Variants in STAU2 observed in about 807,000 individuals in gnomAD.
The protein encoded by STAU2 is staufen double-stranded RNA binding protein 2.
STAU2 carries 20 observed loss-of-function variants against 65.9 expected under a neutral mutation model. The ratio of observed to expected loss-of-function variants is 0.30; its 90% CI spans 0.21 to 0.44. STAU2 has a LOEUF of 0.44. STAU2 is among the 20% of genes least tolerant of loss of function. STAU2 has a pLI of 1.00. For missense variants in STAU2, 558 were observed against 683.9 expected (o/e 0.82, Z 2.05); for synonymous variants, 232 against 233.9 (o/e 0.99, Z 0.07).
At chr8:73,680,142 TG>T (rs1818321854) in intron 5 of STAU2, among the ~76,000 whole-genome samples, 1 of 35,900 alleles carries the variant, frequency 2.8e-5, no homozygotes, top group South Asian at 1.1e-3. Flanking sequence ...GGGTGGGGGG[TG>T]GGGGAGGAGG....
chr8:73,718,751 A>C (rs918963739), intron 3 of STAU2, among the ~76,000 whole-genome samples: 1 of 152,170 alleles, frequency 6.6e-6, no homozygotes, highest in Non-Finnish European at 1.5e-5. Context: ...ATTTTCTTTA[A>C]CATATTTTGT....
chr8:73,461,741 G>A (rs1480409743), intron 13 of STAU2, among the ~76,000 whole-genome samples: 4 of 152,008 alleles, frequency 2.6e-5, no homozygotes, highest in African/African-American at 7.2e-5. Context: ...AGGCAGGAAC[G>A]CAACCGCGGG....
intron 13 of STAU2, among the ~76,000 whole-genome samples, chr8:73,471,843 AAGAAGG>A (rs60409026): frequency 0.011 from 1,688 of 147,994 alleles, 25 homozygotes; most frequent in African/African-American, 0.04. Context: ...AAAAAGAGAG[AAGAAGG>A]AGAAGGAGAA....
At chr8:73,574,610 A>C (rs1221083732) in intron 12 of STAU2, among the ~76,000 whole-genome samples, 1 of 152,242 alleles carries the variant, frequency 6.6e-6, no homozygotes, top group African/African-American at 2.4e-5. Flanking sequence ...CTTTGTAGGG[A>C]CATGGATAAA....
chr8:73,688,108 A>G lies in STAU2; in HGVS notation c.274+546T>C, dbSNP rs115478748. ...CCAACATTAAAAAAGTAAACAATGC[A>G]CTTTTATAGTATCCACTAAAGCAAA... On this transcript the variant is annotated intron_variant, in intron 5 of 14. Transcript: ENST00000524300. 4.1e-3 allele frequency among the ~76,000 whole-genome samples: 626 copies of G among 151,594 alleles called. 7 individuals carry two copies. Among genetic ancestry groups the G allele is most frequent in the African/African-American group, 0.015 (602 of 41,366 alleles).
chr8:73,595,890 G>T (rs1811145274), intron 10 of STAU2, among the ~76,000 whole-genome samples: 1 of 152,212 alleles, frequency 6.6e-6, no homozygotes, highest in African/African-American at 2.4e-5. Context: ...AAGGCAGGAG[G>T]ATCACAAGGT....
At chr8:73,528,037 T>C (rs1329567456) in intron 13 of STAU2, among the ~76,000 whole-genome samples, 2 of 152,190 alleles carry the variant, frequency 1.3e-5, no homozygotes, top group African/African-American at 4.8e-5. Flanking sequence ...ACATTATAGC[T>C]AGTAGAAAAA....
intron 4 of STAU2, among the ~76,000 whole-genome samples, chr8:73,708,123 T>A (rs928029573): frequency 6.6e-6 from 1 of 152,162 alleles, no homozygotes; most frequent in African/African-American, 2.4e-5. Context: ...TATGAACAAA[T>A]TAAATTGTTG....
chr8:73,441,612 T>C (rs1467603150), intron 13 of STAU2: 3 of 152,182 alleles, frequency 2.0e-5, no homozygotes, highest in Admixed American at 6.5e-5. Flanking sequence ...ACTGAAAGAA[T>C]GAATGAGTGG....
intron 6 of STAU2, among the ~76,000 whole-genome samples, chr8:73,656,384 T>A (rs983884427): frequency 6.6e-6 from 1 of 152,248 alleles, no homozygotes; most frequent in Non-Finnish European, 1.5e-5. Flanking sequence ...GCAATTGATG[T>A]TAAGTCCTCT....
In STAU2 at chr8:73,421,421, G is replaced by A; in HGVS notation, c.1664C>T (p.Pro555Leu). The change falls in exon 15 of 15, where the codon CCC (proline) becomes CTC (leucine). Residue 555 changes from proline (P) to leucine (L), a missense_variant. Coordinates refer to ENST00000524300, the MANE Select transcript of STAU2 (RefSeq NM_001164380.2). ...GCAGTCCTGAGCGATGGAGCCCGGG[G>A]GTGCCTGGTTATTGTCCGCTTTCTC... Reference protein sequence around the residue: ...LREKADNNQAPPGSIAQDCKK... With the variant: ...LREKADNNQALPGSIAQDCKK... 3.3e-6 allele frequency: 5 copies of A among 1,537,286 alleles called. No individual in the cohort carries two copies. The highest frequency in any genetic ancestry group is 4.4e-6 in the Non-Finnish European group (5 of 1,146,934).
rs182963873 is a variant in STAU2 at position 73,424,987 on chromosome 8, C to T, written c.1531-2285G>A. Among the ~76,000 whole-genome samples the T allele has an allele frequency of 1.3e-3, 203 of 152,154 alleles. 1 individual carries two copies. Among genetic ancestry groups the T allele is most frequent in the Middle Eastern group, 3.4e-3 (1 of 294 alleles). On this transcript the variant is annotated intron_variant, in intron 13 of 14. Coordinates refer to ENST00000524300, the MANE Select transcript of STAU2 (RefSeq NM_001164380.2). Reference sequence around the variant, plus strand: ...GCTGCAGGGAGAAGGTCAGTGATGCCACCCCATAGCTCCTGATCCTGGCCC... The same window carrying T: ...GCTGCAGGGAGAAGGTCAGTGATGCTACCCCATAGCTCCTGATCCTGGCCC...
intron 13 of STAU2, among the ~76,000 whole-genome samples, chr8:73,489,383 T>C (rs1211212224): frequency 6.6e-6 from 1 of 151,964 alleles, no homozygotes; most frequent in African/African-American, 2.4e-5. Context: ...GACACACAAA[T>C]GGGATGAATA....
chr8:73,540,684 T>G lies in STAU2; in HGVS notation c.1530+11328A>C, dbSNP rs532867450. 2.0e-5 allele frequency among the ~76,000 whole-genome samples: 3 copies of G among 152,316 alleles called. No homozygotes were observed. The South Asian group carries it at 6.2e-4, about 32-fold the overall frequency. ...AATGAATTCACTGGACAAAGTCTTT[T>G]GCAGATATCAAAGTAAAATATAGAC... On this transcript the variant is annotated intron_variant, in intron 13 of 14. Coordinates refer to ENST00000524300, the MANE Select transcript of STAU2 (RefSeq NM_001164380.2).
chr8:73,631,921 A>G (rs1395375469), intron 6 of STAU2, among the ~76,000 whole-genome samples: 1 of 151,674 alleles, frequency 6.6e-6, no homozygotes, highest in Non-Finnish European at 1.5e-5. Flanking sequence ...CCCGCAAAAG[A>G]GAACAGCCAA....
intron 13 of STAU2, among the ~76,000 whole-genome samples, chr8:73,484,063 T>G (rs920974413): frequency 2.0e-5 from 3 of 152,176 alleles, no homozygotes; most frequent in Non-Finnish European, 4.4e-5. Flanking sequence ...TCACTTTTAG[T>G]GTCAACAACT....
At chr8:73,425,067 T>A (rs1002973040) in intron 13 of STAU2, among the ~76,000 whole-genome samples, 2 of 152,150 alleles carry the variant, frequency 1.3e-5, no homozygotes, top group Non-Finnish European at 2.9e-5. Context: ...GGCGCTAACT[T>A]CAGTGGGGTG....
intron 13 of STAU2, among the ~76,000 whole-genome samples, chr8:73,507,152 T>C (rs1051337409): frequency 6.6e-6 from 1 of 150,482 alleles, no homozygotes; most frequent in African/African-American, 2.4e-5. Flanking sequence ...CACAAATGTA[T>C]CTTAATGGCA....
chr8:73,484,141 T>A (rs539450682), intron 13 of STAU2, among the ~76,000 whole-genome samples: 1 of 152,126 alleles, frequency 6.6e-6, no homozygotes, highest in Non-Finnish European at 1.5e-5. Context: ...AGTCCCTGTG[T>A]TCCTATCAGT....
Sources: gnomAD v4.1 joint callset for allele counts (sites outside exome capture counted in the v4.1 genomes callset) on GRCh38, gnomAD v4.1.1 for gene constraint, MANE v1.5 for transcripts, NCBI Gene and HGNC (gene_info 2026-07-23, HGNC 2026-07-21) for gene names.